ATOH8: variants seen among roughly 807,000 people sequenced by gnomAD.
ATOH8 encodes transcription factor ATOH8.
ATOH8 carries 9 observed loss-of-function variants against 21.2 expected under a neutral mutation model. The observed-to-expected ratio is 0.42, with a 90% CI of 0.26 to 0.74. The LOEUF is 0.74. Ranked by LOEUF, ATOH8 falls within the 30% of genes least tolerant of loss-of-function variation. ATOH8 has a pLI of 0.24. For missense variants in ATOH8, 524 were observed against 470.9 expected (o/e 1.11, Z -1.04); for synonymous variants, 253 against 224.0 (o/e 1.13, Z -1.16).
chr2:85,758,144 G>A (rs945685766), intron 1 of ATOH8, among the ~76,000 whole-genome samples: 4 of 152,174 alleles, frequency 2.6e-5, no homozygotes, highest in African/African-American at 9.7e-5. Context: ...CAAGGCTCTC[G>A]ACAGATGAAG....
chr2:85,789,288 A>T lies in ATOH8; in HGVS notation c.*2398A>T, dbSNP rs1680704053. Among the ~76,000 whole-genome samples the T allele has an allele frequency of 6.6e-6, 1 of 152,204 alleles. No individual in the cohort carries two copies. ...CCAGCTGCCTGTCAGACACTAAGAT[A>T]GGCAGTGGGAATGAAGAGATGGATC... is the stretch of plus-strand genomic sequence containing the variant. On this transcript the variant is annotated 3_prime_UTR_variant, in exon 3 of 3. Transcript: ENST00000306279.
Position 85,789,199 on chromosome 2 carries a change from C to A in ATOH8, c.*2309C>A, listed in dbSNP as rs748064. On this transcript the variant is annotated 3_prime_UTR_variant, in exon 3 of 3. Coordinates refer to ENST00000306279, the MANE Select transcript of ATOH8 (RefSeq NM_032827.7). Reference sequence around the variant, plus strand: ...CAGAAAGAGCCCATCCTCCACCTCCCATCCCCCTCCTGCATACATACTTCA... The same window carrying A: ...CAGAAAGAGCCCATCCTCCACCTCCAATCCCCCTCCTGCATACATACTTCA... 1.3e-5 allele frequency among the ~76,000 whole-genome samples: 2 copies of A among 152,008 alleles called. No individual in the cohort carries two copies. Among genetic ancestry groups the A allele is most frequent in the East Asian group, 3.8e-4 (2 of 5,200 alleles).
rs1409781887 is a variant in ATOH8, at chr2:85,754,080, A to C, written c.-110A>C. ...TGCCCGGGGCGAGGGGGAGAAAGGG[A>C]GAGAGGGAGGGGGAGGGCGGGCGAA... On this transcript the variant is annotated 5_prime_UTR_variant, in exon 1 of 3. Transcript: ENST00000306279. 11 of 1,235,034 alleles carry C rather than the reference A, an allele frequency of 8.9e-6. No homozygotes were observed. The highest frequency in any genetic ancestry group is 1.0e-5 in the Non-Finnish European group (10 of 963,664). 76.5% of individuals were successfully genotyped at this position (1,235,034 alleles called of 1,614,324 possible).
rs545057275 is a variant in ATOH8, at chr2:85,776,218, C to T, written c.961-10667C>T. ...CAGGCTGAATCCAGGCCACCGCTGT[C>T]CTCTGTCCTCTGTTCTCTCAAAGGT... On this transcript the variant is annotated intron_variant, in intron 2 of 2. Coordinates refer to ENST00000306279, the MANE Select transcript of ATOH8 (RefSeq NM_032827.7). 2.0e-4 allele frequency among the ~76,000 whole-genome samples: 31 copies of T among 152,298 alleles called. No individual in the cohort carries two copies. The South Asian group carries it at 3.9e-3, about 19-fold the overall frequency.
rs1006780075 is a variant in ATOH8, at chr2:85,787,026, G to A, written c.*136G>A. 2 of 1,198,460 alleles carry A rather than the reference G, an allele frequency of 1.7e-6. No individual in the cohort carries two copies. The highest frequency in any genetic ancestry group is 1.5e-5 in the African/African-American group (1 of 66,254). The allele number at this position is 1,198,460 out of a possible 1,614,324, so 74.2% of individuals were successfully genotyped here. A position where few individuals can be genotyped will look rare whatever the true frequency, so the allele number is the denominator to read the frequency against. On this transcript the variant is annotated 3_prime_UTR_variant, in exon 3 of 3. Transcript: ENST00000306279. ...AGATGCCCAGCCTACAGCCTCTCAG[G>A]GTCGGATCGGAGCACGCCTGCCTCC...
intron 2 of ATOH8, among the ~76,000 whole-genome samples, chr2:85,779,282 C>T (rs146570167): frequency 3.8e-4 from 58 of 152,368 alleles, no homozygotes; most frequent in African/African-American, 1.4e-3. Flanking sequence ...TCACAATGCC[C>T]CACGCTGGGG....
chr2:85,762,196 G>C (rs1429707165), intron 1 of ATOH8, among the ~76,000 whole-genome samples: 1 of 152,174 alleles, frequency 6.6e-6, no homozygotes, highest in Non-Finnish European at 1.5e-5. Flanking sequence ...GATCAGTCCT[G>C]TTCCCAATAT....
intron 2 of ATOH8, among the ~76,000 whole-genome samples, chr2:85,780,134 C>T (rs1194669252): frequency 6.6e-6 from 1 of 152,120 alleles, no homozygotes; most frequent in East Asian, 1.9e-4. Context: ...GCAAGGACTC[C>T]AACTGGCAAC....
Position 85,787,405 on chromosome 2 carries a change from C to G in ATOH8, c.*515C>G, listed in dbSNP as rs898456738. 2 of 155,936 alleles carry G rather than the reference C, an allele frequency of 1.3e-5. No individual in the cohort carries two copies. The highest frequency in any genetic ancestry group is 4.8e-5 in the African/African-American group (2 of 41,556). 9.7% of individuals were successfully genotyped at this position (155,936 alleles called of 1,614,324 possible). ...GACCTGGTGCTCTCTCTCCACTGGGCCTTGTGCTGGCTGAGTGCAAGACAA... is the reference window on the plus strand; with the variant it reads ...GACCTGGTGCTCTCTCTCCACTGGGGCTTGTGCTGGCTGAGTGCAAGACAA... On this transcript the variant is annotated 3_prime_UTR_variant, in exon 3 of 3. Coordinates refer to ENST00000306279, the MANE Select transcript of ATOH8 (RefSeq NM_032827.7).
At position 85,787,643 on chromosome 2, in the gene ATOH8, A is replaced by T. The variant is rs1317264276; in HGVS notation, c.*753A>T. ...TATTACTCCCTCCCCTACACCAGGG[A>T]CTTGCCCCAGGGCAGCTACCTATGG... On this transcript the variant is annotated 3_prime_UTR_variant, in exon 3 of 3. Transcript: ENST00000306279. 6.5e-6 allele frequency: 1 copy of T among 152,808 alleles called. No homozygotes were observed. The highest frequency in any genetic ancestry group is 2.4e-5 in the African/African-American group (1 of 41,460). 9.5% of individuals were successfully genotyped at this position (152,808 alleles called of 1,614,324 possible).
chr2:85,778,880 T>C (rs577052076), intron 2 of ATOH8, among the ~76,000 whole-genome samples: 1 of 151,998 alleles, frequency 6.6e-6, no homozygotes, highest in East Asian at 1.9e-4. Flanking sequence ...ACAGGGCAGG[T>C]GAAGAGCAGA....
At chr2:85,765,416 C>T (rs992887387) in intron 2 of ATOH8, among the ~76,000 whole-genome samples, 2 of 152,220 alleles carry the variant, frequency 1.3e-5, no homozygotes, top group African/African-American at 2.4e-5. Context: ...GCCGCTGCCA[C>T]GGTAACTGCA....
chr2:85,756,968 G>T (rs899664484), intron 1 of ATOH8, among the ~76,000 whole-genome samples: 1 of 152,206 alleles, frequency 6.6e-6, no homozygotes, highest in African/African-American at 2.4e-5. Context: ...TATAAAAAGG[G>T]CAAGTTCAGT....
At chr2:85,763,821 C>CGTGTGTGTGTGTGTGTGTGT (rs61491730) in intron 1 of ATOH8, among the ~76,000 whole-genome samples, 170 bp from the exon 2 acceptor site, 1 of 143,768 alleles carries the variant, frequency 7.0e-6, no homozygotes, top group East Asian at 2.1e-4. Flanking sequence ...GATGAGCTGA[C>CGTGTGTGTGTGTGTGTGTGT]GTGTGTGTGT....
chr2:85,754,996 GA>G (rs754089314), intron 1 of ATOH8, 39 bp downstream of exon 1: 2 of 1,542,118 alleles, frequency 1.3e-6, no homozygotes, highest in Non-Finnish European at 1.7e-6. Flanking sequence ...TGCGCCGGGG[GA>G]CGACTGCGGG....
In ATOH8 at chr2:85,790,832, C is replaced by T. The variant is rs192054121; in HGVS notation, c.*3942C>T. The stretch of plus-strand genomic sequence containing the variant: ...GCTGTGGTCAGCCGTGGGAAGCCGG[C>T]GAGGGGACTGGAGTTGGGGCTACAC... On this transcript the variant is annotated 3_prime_UTR_variant, in exon 3 of 3. Coordinates refer to ENST00000306279, the MANE Select transcript of ATOH8 (RefSeq NM_032827.7). Among the ~76,000 whole-genome samples, 6 of 152,274 alleles carry T rather than the reference C, an allele frequency of 3.9e-5. No individual in the cohort carries two copies. Among genetic ancestry groups the T allele is most frequent in the East Asian group, 3.9e-4 (2 of 5,178 alleles).
At chr2:85,767,808 C>T (rs1464291539) in intron 2 of ATOH8, among the ~76,000 whole-genome samples, 1 of 152,206 alleles carries the variant, frequency 6.6e-6, no homozygotes, top group African/African-American at 2.4e-5. Context: ...CATCAGGAAG[C>T]TGTGGACTGT....
At chr2:85,774,833 C>T (rs1403440393) in intron 2 of ATOH8, 2 of 961,126 alleles carry the variant, frequency 2.1e-6, no homozygotes, top group Non-Finnish European at 1.2e-6. Context: ...TATTTTTGGC[C>T]TCTGTGCTCA....
chr2:85,779,736 C>A (rs957825510), intron 2 of ATOH8, among the ~76,000 whole-genome samples: 1 of 152,236 alleles, frequency 6.6e-6, no homozygotes, highest in Non-Finnish European at 1.5e-5. Context: ...ACCACTCAGG[C>A]CTCCATTTCC....
Sources: gnomAD v4.1 joint callset for allele counts (sites outside exome capture counted in the v4.1 genomes callset) on GRCh38, gnomAD v4.1.1 for gene constraint, MANE v1.5 for transcripts, NCBI Gene and HGNC (gene_info 2026-07-23, HGNC 2026-07-21) for gene names.